The following KCNH7 variants were observed in gnomAD, a reference collection of about 807,000 sequenced individuals.
KCNH7 encodes the protein voltage-gated inwardly rectifying potassium channel KCNH7.
A neutral mutation model predicts 120.8 loss-of-function variants in KCNH7; 49 were observed. That is an observed-to-expected ratio of 0.41 (90% CI 0.32 to 0.51). The LOEUF is 0.51. KCNH7 is among the 20% of genes least tolerant of loss of function. The pLI, the probability that KCNH7 is intolerant of heterozygous loss-of-function variation, is 0.38. For missense variants in KCNH7, 1,097 were observed against 1,446.6 expected (o/e 0.76, Z 3.92); for synonymous variants, 547 against 516.1 (o/e 1.06, Z -0.81).
intron 6 of KCNH7, among the ~76,000 whole-genome samples, chr2:162,490,862 T>C (rs773490201): frequency 6.6e-5 from 10 of 152,260 alleles, no homozygotes; most frequent in Non-Finnish European, 1.2e-4. Flanking sequence ...AATGAGCATT[T>C]GGCCAAGCCA....
At chr2:162,452,665 T>C (rs1688811514) in intron 6 of KCNH7, among the ~76,000 whole-genome samples, 1 of 152,034 alleles carries the variant, frequency 6.6e-6, no homozygotes, top group Non-Finnish European at 1.5e-5. Context: ...TTAAGTTAGA[T>C]TAAAATACAG....
chr2:162,382,108 G>A (rs36070060), intron 13 of KCNH7, among the ~76,000 whole-genome samples: 2,549 of 152,128 alleles, frequency 0.017, 199 homozygotes, highest in Admixed American at 0.15. Flanking sequence ...TTCTGCCTAT[G>A]TTTAACAGCT....
Position 162,743,743 on chromosome 2 carries a change from A to C in KCNH7, c.307+92794T>G, listed in dbSNP as rs144035342. Among the ~76,000 whole-genome samples, 89 of 152,312 alleles carry C rather than the reference A, an allele frequency of 5.8e-4. 1 individual carries two copies. The highest frequency in any genetic ancestry group is 2.1e-3 in the African/African-American group (88 of 41,572). ...AAAATAAGAAAGACTGATTGTAAAGATGTCCTTAAAATTTAAATTATGCCA... is the reference window on the plus strand; with the variant it reads ...AAAATAAGAAAGACTGATTGTAAAGCTGTCCTTAAAATTTAAATTATGCCA... On this transcript the variant is annotated intron_variant, in intron 2 of 15. Coordinates refer to ENST00000332142, the MANE Select transcript of KCNH7 (RefSeq NM_033272.4).
intron 2 of KCNH7, among the ~76,000 whole-genome samples, chr2:162,669,587 A>T (rs535185137): frequency 6.6e-6 from 1 of 152,330 alleles, no homozygotes; most frequent in South Asian, 2.1e-4. Context: ...AAATGGGAGT[A>T]ATTTTTGGTA....
chr2:162,752,550 G>A (rs1416542898), intron 2 of KCNH7, among the ~76,000 whole-genome samples: 1 of 151,726 alleles, frequency 6.6e-6, no homozygotes, highest in Non-Finnish European at 1.5e-5. Context: ...TCTCAGTTTG[G>A]CTTGAAAGCC....
At chr2:162,798,336 T>A (rs902486054) in intron 2 of KCNH7, among the ~76,000 whole-genome samples, 1 of 152,014 alleles carries the variant, frequency 6.6e-6, no homozygotes, top group Non-Finnish European at 1.5e-5. Context: ...TTGAAAAAAA[T>A]TCATATAAGA....
intron 2 of KCNH7, among the ~76,000 whole-genome samples, chr2:162,684,108 C>T (rs1685802267): frequency 6.6e-6 from 1 of 152,114 alleles, no homozygotes; most frequent in African/African-American, 2.4e-5. Context: ...AAAGGATTCC[C>T]TATTTAATAA....
chr2:162,754,298 T>C (rs1688712342), intron 2 of KCNH7, among the ~76,000 whole-genome samples: 8 of 151,338 alleles, frequency 5.3e-5, no homozygotes, highest in Admixed American at 5.3e-4. Context: ...AAAGGAAAAA[T>C]GGAAAGAGAA....
At chr2:162,539,266 T>G (rs1236019013) in intron 2 of KCNH7, among the ~76,000 whole-genome samples, 3 of 152,132 alleles carry the variant, frequency 2.0e-5, no homozygotes, top group Admixed American at 6.6e-5. Context: ...CATTATGTAC[T>G]TTCCTAATGA....
chr2:162,404,045 G>A (rs577685393), intron 9 of KCNH7, among the ~76,000 whole-genome samples: 1 of 151,970 alleles, frequency 6.6e-6, no homozygotes, highest in South Asian at 2.1e-4. Flanking sequence ...TGTTTTCAGG[G>A]TTGGTTCCCT....
chr2:162,751,147 T>A (rs1162489128), intron 2 of KCNH7, among the ~76,000 whole-genome samples: 1 of 152,170 alleles, frequency 6.6e-6, no homozygotes, highest in Non-Finnish European at 1.5e-5. Context: ...GGGTTTCTTA[T>A]CTCATATAAC....
At chr2:162,432,561 A>G (rs968591166) in intron 8 of KCNH7, among the ~76,000 whole-genome samples, 2 of 152,060 alleles carry the variant, frequency 1.3e-5, no homozygotes, top group Admixed American at 6.6e-5. Flanking sequence ...TATGCATTCT[A>G]AGGATGATGT....
chr2:162,540,498 G>A (rs746452906), intron 2 of KCNH7, among the ~76,000 whole-genome samples: 3 of 152,080 alleles, frequency 2.0e-5, no homozygotes, highest in Non-Finnish European at 2.9e-5. Flanking sequence ...TTTACAATAA[G>A]ATGATGGGAC....
intron 6 of KCNH7, among the ~76,000 whole-genome samples, chr2:162,467,223 C>T (rs1689338625): frequency 1.3e-5 from 2 of 152,134 alleles, no homozygotes; most frequent in Admixed American, 1.3e-4. Flanking sequence ...GATTCTTTCA[C>T]CTAAGATTAT....
chr2:162,812,925 G>A (rs1684787523), intron 2 of KCNH7, among the ~76,000 whole-genome samples: 1 of 152,050 alleles, frequency 6.6e-6, no homozygotes. Flanking sequence ...CACTGGGATG[G>A]CTAGAACTCA....
chr2:162,703,992 C>A (rs1178017575), intron 2 of KCNH7, among the ~76,000 whole-genome samples: 2 of 151,956 alleles, frequency 1.3e-5, no homozygotes, highest in Non-Finnish European at 2.9e-5. Flanking sequence ...TTTTTACTAA[C>A]ATAAAAAATA....
At chr2:162,700,608 T>TA (rs1052323649) in intron 2 of KCNH7, among the ~76,000 whole-genome samples, 1 of 152,184 alleles carries the variant, frequency 6.6e-6, no homozygotes, top group Non-Finnish European at 1.5e-5. Flanking sequence ...TCTCTTCTTT[T>TA]AAAAAAATCC....
intron 2 of KCNH7, among the ~76,000 whole-genome samples, chr2:162,636,339 T>C (rs751281340): frequency 2.3e-4 from 35 of 152,108 alleles, no homozygotes; most frequent in Non-Finnish European, 4.6e-4. Context: ...ACCTGGATCA[T>C]TCTGTTTGTA....
chr2:162,612,390 T>C (rs1682998208), intron 2 of KCNH7, among the ~76,000 whole-genome samples: 1 of 152,130 alleles, frequency 6.6e-6, no homozygotes, highest in Non-Finnish European at 1.5e-5. Flanking sequence ...GACCTGAGCT[T>C]GAGTCAGAGA....
Sources: gnomAD v4.1 joint callset for allele counts (sites outside exome capture counted in the v4.1 genomes callset) on GRCh38, gnomAD v4.1.1 for gene constraint, MANE v1.5 for transcripts, NCBI Gene and HGNC (gene_info 2026-07-23, HGNC 2026-07-21) for gene names.